The following NKAIN2 variants were observed in gnomAD, a reference collection of about 807,000 sequenced individuals.
NKAIN2 encodes sodium/potassium-transporting ATPase subunit beta-1-interacting protein 2.
NKAIN2 carries 14 observed loss-of-function variants against 32.6 expected under a neutral mutation model. The observed-to-expected ratio is 0.43, with a 90% CI of 0.28 to 0.67. NKAIN2 has a LOEUF of 0.67. Among genes scored for constraint, NKAIN2 ranks in the 30% least tolerant of loss-of-function variants. The pLI is 0.17. For synonymous variants in NKAIN2, 80 were observed against 87.2 expected (o/e 0.92, Z 0.46); for missense variants, 198 against 258.3 (o/e 0.77, Z 1.60).
At chr6:123,955,196 CA>C (rs5879708) in intron 1 of NKAIN2, among the ~76,000 whole-genome samples, 39,341 of 104,892 alleles carry the variant, frequency 0.38, 4,722 homozygotes, top group Middle Eastern at 0.46. Context: ...ACAGAAAAAC[CA>C]AAAAAAAAAA....
rs551201724 is a variant in NKAIN2, at chr6:124,298,912, A to T, written c.192+15770A>T. On this transcript the variant is annotated intron_variant, in intron 2 of 6. Coordinates refer to ENST00000368417, the MANE Select transcript of NKAIN2 (RefSeq NM_001040214.3). ...GCCTAGGGCTAATGATGTATCAAGGATCTCTCCACAGTAACCATGTGTGGC... is the reference window on the plus strand; with the variant it reads ...GCCTAGGGCTAATGATGTATCAAGGTTCTCTCCACAGTAACCATGTGTGGC... 3.3e-5 allele frequency among the ~76,000 whole-genome samples: 5 copies of T among 152,342 alleles called. No homozygotes were observed. In the South Asian group the frequency reaches 1.0e-3, roughly 32 times the overall value.
At chr6:124,678,973 C>A (rs1773491163) in intron 4 of NKAIN2, among the ~76,000 whole-genome samples, 1 of 152,022 alleles carries the variant, frequency 6.6e-6, no homozygotes, top group South Asian at 2.1e-4. Flanking sequence ...TTTTTTCCAG[C>A]AGTTTGTGTT....
intron 2 of NKAIN2, among the ~76,000 whole-genome samples, chr6:124,352,056 G>C (rs987496546): frequency 6.6e-6 from 1 of 152,154 alleles, no homozygotes; most frequent in Non-Finnish European, 1.5e-5. Flanking sequence ...AAGCCATGGA[G>C]TTTGCTACTA....
At chr6:124,356,351 T>C (rs896473550) in intron 3 of NKAIN2, among the ~76,000 whole-genome samples, 3 of 152,200 alleles carry the variant, frequency 2.0e-5, no homozygotes, top group Admixed American at 2.0e-4. Context: ...GCACTCATCA[T>C]GTGATGTTTG....
At chr6:124,469,440 A>G (rs1776887593) in intron 3 of NKAIN2, among the ~76,000 whole-genome samples, 1 of 152,100 alleles carries the variant, frequency 6.6e-6, no homozygotes, top group Non-Finnish European at 1.5e-5. Context: ...TAATTATATG[A>G]CTCAATCTGT....
chr6:124,582,845 T>C (rs1781572430), intron 3 of NKAIN2, among the ~76,000 whole-genome samples: 1 of 152,108 alleles, frequency 6.6e-6, no homozygotes, highest in Admixed American at 6.5e-5. Flanking sequence ...TGGTACACCA[T>C]ATCAATAGAA....
intron 3 of NKAIN2, among the ~76,000 whole-genome samples, chr6:124,645,249 G>A (rs1784127289): frequency 6.6e-6 from 1 of 152,096 alleles, no homozygotes; most frequent in South Asian, 2.1e-4. Context: ...CTAACAACAG[G>A]ATTTGGAAGT....
intron 1 of NKAIN2, among the ~76,000 whole-genome samples, chr6:124,253,937 C>T (rs1054485129): frequency 1.3e-5 from 2 of 151,762 alleles, no homozygotes; most frequent in African/African-American, 2.4e-5. Flanking sequence ...TCTGCCTCAG[C>T]CTCCCAAGTA....
At chr6:124,507,000 A>C (rs923351115) in intron 3 of NKAIN2, among the ~76,000 whole-genome samples, 3 of 152,216 alleles carry the variant, frequency 2.0e-5, no homozygotes, top group African/African-American at 7.2e-5. Flanking sequence ...ACTCATGGGA[A>C]CATTAAAGTC....
chr6:123,932,998 A>G (rs1049866191), intron 1 of NKAIN2, among the ~76,000 whole-genome samples: 6 of 152,138 alleles, frequency 3.9e-5, no homozygotes, highest in Admixed American at 3.9e-4. Context: ...ACCCCACGAC[A>G]TACCTATCTC....
intron 3 of NKAIN2, among the ~76,000 whole-genome samples, chr6:124,653,104 A>G (rs1784421877): frequency 6.6e-6 from 1 of 152,212 alleles, no homozygotes; most frequent in East Asian, 1.9e-4. Flanking sequence ...CGATAGATTC[A>G]TCACAATCCA....
At chr6:124,648,769 TG>T (rs1424523221) in intron 3 of NKAIN2, among the ~76,000 whole-genome samples, 1 of 152,128 alleles carries the variant, frequency 6.6e-6, no homozygotes, top group Non-Finnish European at 1.5e-5. Context: ...AAATAATTAG[TG>T]GTAGATATGC....
At chr6:124,750,863 G>T (rs1334798643) in intron 4 of NKAIN2, among the ~76,000 whole-genome samples, 5 of 151,880 alleles carry the variant, frequency 3.3e-5, no homozygotes. Context: ...CTTGGATAAG[G>T]TCCCAATCTT....
intron 3 of NKAIN2, among the ~76,000 whole-genome samples, chr6:124,415,878 C>CTTTTTTTTTTTTTTTTTTT: frequency 5.9e-4 from 43 of 72,602 alleles, no homozygotes; most frequent in African/African-American, 1.4e-3. Context: ...TTTTTATTTG[C>CTTTTTTTTTTTTTTTTTTT]TTTTTTTTTT....
chr6:124,538,110 T>G (rs913747595), intron 3 of NKAIN2, among the ~76,000 whole-genome samples: 3 of 152,148 alleles, frequency 2.0e-5, no homozygotes, highest in Admixed American at 6.5e-5. Context: ...TTCAATACAT[T>G]CAGTTTCCTA....
intron 1 of NKAIN2, among the ~76,000 whole-genome samples, chr6:124,216,355 C>T (rs1440292307): frequency 1.3e-5 from 2 of 152,008 alleles, no homozygotes; most frequent in Non-Finnish European, 2.9e-5. Context: ...TGTAAATTTG[C>T]CTAAAATTTA....
In NKAIN2 at chr6:124,493,636, T is replaced by G. The variant is rs564954881; in HGVS notation, c.273+138289T>G. Among the ~76,000 whole-genome samples, 3 of 151,192 alleles carry G rather than the reference T, an allele frequency of 2.0e-5. No individual in the cohort carries two copies. The East Asian group carries it at 5.9e-4, about 30-fold the overall frequency. On this transcript the variant is annotated intron_variant, in intron 3 of 6. Coordinates refer to ENST00000368417, the MANE Select transcript of NKAIN2 (RefSeq NM_001040214.3). ...TTTGATCATTACATACAGGAGCCAT[T>G]ATTTTATATCTCTACATCTCTCCAC...
At chr6:124,278,650 C>CATATATAT (rs57008229) in intron 1 of NKAIN2, among the ~76,000 whole-genome samples, 1,196 of 68,704 alleles carry the variant, frequency 0.017, 30 homozygotes, top group Non-Finnish European at 0.021. Flanking sequence ...ATACATAGCT[C>CATATATAT]ATATATATAT....
At chr6:124,080,066 T>G (rs974205382) in intron 1 of NKAIN2, among the ~76,000 whole-genome samples, 1 of 151,994 alleles carries the variant, frequency 6.6e-6, no homozygotes, top group South Asian at 2.1e-4. Flanking sequence ...AAATATAGAT[T>G]AACGCCCATG....
Sources: allele counts gnomAD v4.1 joint callset (sites outside exome capture counted in the v4.1 genomes callset), GRCh38; gene constraint gnomAD v4.1.1; transcripts MANE v1.5; gene names NCBI Gene and HGNC (gene_info 2026-07-23, HGNC 2026-07-21).